Variants in KNG1 observed in about 807,000 individuals in gnomAD.
The protein encoded by KNG1 is kininogen 1, also known as kininogen-1.
KNG1 carries 23 observed loss-of-function variants against 47.8 expected under a neutral mutation model. That is an observed-to-expected ratio of 0.48 (90% CI 0.35 to 0.68). The LOEUF is 0.68. Among genes scored for constraint, KNG1 ranks in the 30% least tolerant of loss-of-function variants. The probability of loss-of-function intolerance (pLI) is 0.01; values close to 1 mark genes in which losing one functional copy is unlikely to be tolerated. For synonymous variants in KNG1, 277 were observed against 277.0 expected (o/e 1.00, Z 0.00); for missense variants, 762 against 790.2 (o/e 0.96, Z 0.43).
chr3:186,726,066 G>C (rs1444457575), intron 4 of KNG1, among the ~76,000 whole-genome samples: 1 of 151,970 alleles, frequency 6.6e-6, no homozygotes, highest in East Asian at 1.9e-4. Flanking sequence ...AAGGAACTGG[G>C]ATTACAGGCG....
In KNG1 at chr3:186,720,031, T is replaced by G. The variant is rs1404342733; in HGVS notation, c.196-74T>G. Reference sequence around the variant, plus strand: ...AAGTCAAAGATCAATATTCCTAACTTTACCGGAACCCACTAGAATTATTTG... The same window carrying G: ...AAGTCAAAGATCAATATTCCTAACTGTACCGGAACCCACTAGAATTATTTG... On this transcript the variant is annotated intron_variant, in intron 1 of 9. Transcript: ENST00000644859. 2.5e-5 allele frequency: 23 copies of G among 906,912 alleles called. No individual in the cohort carries two copies. The Admixed American group carries it at 3.7e-4, about 15-fold the overall frequency. The allele number at this position is 906,912 out of a possible 1,614,324, so 56.2% of individuals were successfully genotyped here.
At chr3:186,730,097 T>C (rs1720473110) in intron 5 of KNG1, among the ~76,000 whole-genome samples, 1 of 152,182 alleles carries the variant, frequency 6.6e-6, no homozygotes, top group African/African-American at 2.4e-5. Flanking sequence ...GAGTCAAAAA[T>C]TAACTTAGAA....
chr3:186,729,821 T>C (rs1302425205), intron 5 of KNG1, among the ~76,000 whole-genome samples: 1 of 152,134 alleles, frequency 6.6e-6, no homozygotes, highest in Admixed American at 6.5e-5. Context: ...TACAGGCATG[T>C]GCCACCACGG....
chr3:186,725,063 G>A (rs756774627), intron 3 of KNG1, 25 bp from the exon 4 acceptor site: 21 of 1,613,188 alleles, frequency 1.3e-5, no homozygotes, highest in Non-Finnish European at 1.8e-5. Flanking sequence ...CATTAATGCT[G>A]TGTTTTTGTC....
intron 7 of KNG1, chr3:186,738,715 G>A: frequency 4.2e-6 from 1 of 236,200 alleles, no homozygotes; most frequent in East Asian, 1.2e-4. Flanking sequence ...GCGTGGAGGT[G>A]GGCAACTGTA....
rs1472401678 is a variant in KNG1 at position 186,737,553 on chromosome 3, TTTTTG to T, written c.931-1532_931-1528del. Among the ~76,000 whole-genome samples the T allele has an allele frequency of 5.3e-5, 8 of 152,194 alleles. No individual in the cohort carries two copies. The South Asian group carries it at 1.7e-3, about 32-fold the overall frequency. On this transcript the variant is annotated intron_variant, in intron 7 of 9. Coordinates refer to ENST00000644859, the MANE Select transcript of KNG1 (RefSeq NM_001102416.3). ...TGTTTAGTTGTTTTTTGTTTGTTTG[TTTTTG>T]TTTTGTTTTGTTTCCCGAAACAGAG...
Position 186,742,711 on chromosome 3 carries a change from G to A in KNG1, c.*380G>A. On this transcript the variant is annotated 3_prime_UTR_variant, in exon 10 of 10. Coordinates refer to ENST00000644859, the MANE Select transcript of KNG1 (RefSeq NM_001102416.3). ...TAATAAACTGTGGCACTTGGTATTT[G>A]AATGTGTGTGAAAATAAGGGAAGTC... The A allele has an allele frequency of 9.6e-7, 1 of 1,040,848 alleles. No homozygotes were observed. Among genetic ancestry groups the A allele is most frequent in the East Asian group, 8.5e-5 (1 of 11,800 alleles). The allele number at this position is 1,040,848 out of a possible 1,614,324, so 64.5% of individuals were successfully genotyped here. A position where few individuals can be genotyped will look rare whatever the true frequency, so the allele number is the denominator to read the frequency against.
chr3:186,726,547 C>T (rs184926780), intron 4 of KNG1, among the ~76,000 whole-genome samples: 4 of 152,254 alleles, frequency 2.6e-5, no homozygotes, highest in African/African-American at 7.2e-5. Context: ...GTCTCGGCCT[C>T]CCAAAGTGCT....
Position 186,722,461 on chromosome 3 carries a change from G to A in KNG1, c.331G>A (p.Val111Met), listed in dbSNP as rs1337659253. ...KAATGECTAT[V>M]GKRSSTKFSV... ...GGCCACTGGAGAATGCACGGCAACC[G>A]TGGGGAAGAGGAGCAGTACGAAATT... The change falls in exon 3 of 10, where the codon GTG becomes ATG. Residue 111 changes from valine (V) to methionine (M), a missense_variant. Physicochemically the swap from Val to Met is conservative, Grantham distance 21. Transcript: ENST00000644859. 46 of 1,613,772 alleles carry A rather than the reference G, an allele frequency of 2.9e-5. No homozygotes were observed. Among genetic ancestry groups the A allele is most frequent in the East Asian group, 4.5e-5 (2 of 44,894 alleles).
At chr3:186,733,107 G>A (rs1176471122) in intron 7 of KNG1, among the ~76,000 whole-genome samples, 4 of 152,030 alleles carry the variant, frequency 2.6e-5, no homozygotes, top group East Asian at 3.9e-4. Context: ...TTAGCCGGGT[G>A]TGGTGGTGCA....
chr3:186,733,875 G>A (rs745810907), intron 7 of KNG1, among the ~76,000 whole-genome samples: 14 of 152,114 alleles, frequency 9.2e-5, no homozygotes, highest in Non-Finnish European at 1.6e-4. Context: ...GGCTGAGGCA[G>A]GAGAATCACT....
At position 186,725,049 on chromosome 3, in the gene KNG1, C is replaced by A. The variant is rs577144389; in HGVS notation, c.392-39C>A. 5.6e-6 allele frequency: 9 copies of A among 1,607,774 alleles called. No homozygotes were observed. In the Admixed American group the frequency reaches 1.2e-4, roughly 21 times the overall value. Reference sequence around the variant, plus strand: ...GGGCAGTGTATGCGAATGCTGATTGCGATCATTAATGCTGTGTTTTTGTCT... The same window carrying A: ...GGGCAGTGTATGCGAATGCTGATTGAGATCATTAATGCTGTGTTTTTGTCT... On this transcript the variant is annotated intron_variant, in intron 3 of 9. Coordinates refer to ENST00000644859, the MANE Select transcript of KNG1 (RefSeq NM_001102416.3).
chr3:186,732,166 C>G (rs1283073235), intron 6 of KNG1, among the ~76,000 whole-genome samples: 3 of 152,210 alleles, frequency 2.0e-5, no homozygotes, highest in African/African-American at 7.2e-5. Flanking sequence ...AACCATAGCA[C>G]TTAAACTTTT....
Position 186,741,901 on chromosome 3 carries a change from G to T in KNG1, c.1505G>T (p.Gly502Val). Residue 502 changes from glycine (G) to valine (V), a missense_variant, in exon 10 of 10, where the codon GGC (glycine) becomes GTC (valine). Gly to Val is a moderately radical substitution (Grantham distance 109). Coordinates refer to ENST00000644859, the MANE Select transcript of KNG1 (RefSeq NM_001102416.3). ...GGACATAAGCATAAGCATGGTCATG[G>T]CCACGGAAAACATAAAAATAAAGGC... ...DHGHKHKHGH[G>V]HGKHKNKGKK... 1 of 1,614,086 alleles carries T rather than the reference G, an allele frequency of 6.2e-7. No individual in the cohort carries two copies. The highest frequency in any genetic ancestry group is 8.5e-7 in the Non-Finnish European group (1 of 1,179,990).
At chr3:186,727,034 G>GTGTT (rs1720392334) in intron 4 of KNG1, among the ~76,000 whole-genome samples, 1 of 151,482 alleles carries the variant, frequency 6.6e-6, no homozygotes, top group Admixed American at 6.6e-5. Context: ...GTGTGTGTGT[G>GTGTT]TGTGTGTTTG....
chr3:186,742,315 C>T lies in KNG1; in HGVS notation c.1919C>T (p.Thr640Ile), dbSNP rs771030819. 5 of 1,613,998 alleles carry T rather than the reference C, an allele frequency of 3.1e-6. No individual in the cohort carries two copies. The South Asian group carries it at 3.3e-5, about 11-fold the overall frequency. Residue 640 changes from threonine to isoleucine, a missense_variant, in exon 10 of 10, where the codon ACT (threonine) becomes ATT (isoleucine). Transcript: ENST00000644859. ...AAAGAATCTTATTATTTCGATCTCA[C>T]TGATGGCCTTTCTTAATTTAAGTGG... Reference protein sequence around the residue: ...QMKESYYFDLTDGLS With the variant: ...QMKESYYFDLIDGLS
At chr3:186,726,625 G>A (rs956262705) in intron 4 of KNG1, among the ~76,000 whole-genome samples, 4 of 152,110 alleles carry the variant, frequency 2.6e-5, no homozygotes, top group African/African-American at 7.2e-5. Flanking sequence ...TGGGTCTCTT[G>A]TATTTCAGCC....
At position 186,741,623 on chromosome 3, in the gene KNG1, G is replaced by A; in HGVS notation, c.1227G>A (p.Met409Ile). ...CTGTAAGTCCACCCCACACTTCCAT[G>A]GCACCTGCACAAGATGAAGAGCGGG... is the stretch of plus-strand genomic sequence containing the variant. ...ETTVSPPHTS[M>I]APAQDEERDS... Residue 409 changes from methionine (M) to isoleucine (I), a missense_variant, in exon 10 of 10, where the codon ATG becomes ATA. By Grantham distance (10) the Met-to-Ile change is conservative. Coordinates refer to ENST00000644859, the MANE Select transcript of KNG1 (RefSeq NM_001102416.3). 1 of 1,613,620 alleles carries A rather than the reference G, an allele frequency of 6.2e-7. No homozygotes were observed. The highest frequency in any genetic ancestry group is 8.5e-7 in the Non-Finnish European group (1 of 1,179,870).
intron 5 of KNG1, among the ~76,000 whole-genome samples, chr3:186,730,715 T>C (rs1476044601): frequency 1.6e-3 from 170 of 109,410 alleles, no homozygotes; most frequent in East Asian, 2.7e-3. Flanking sequence ...TATATATATA[T>C]ACACACACAC....
Sources: allele counts gnomAD v4.1 joint callset (sites outside exome capture counted in the v4.1 genomes callset), GRCh38; gene constraint gnomAD v4.1.1; transcripts MANE v1.5; gene names NCBI Gene and HGNC (gene_info 2026-07-23, HGNC 2026-07-21).